Variants in AGBL4 observed in about 807,000 individuals in gnomAD.
AGBL4 encodes the protein AGBL carboxypeptidase 4, also known as cytosolic carboxypeptidase 6.
Under a neutral mutation model 66.4 loss-of-function variants are expected in AGBL4, and 58 were observed. That is an observed-to-expected ratio of 0.87 (90% CI 0.71 to 1.09). The LOEUF is 1.09. AGBL4 is among the 50% of genes least tolerant of loss of function. The pLI is 0.00. For missense variants in AGBL4, 579 were observed against 631.0 expected (o/e 0.92, Z 0.88); for synonymous variants, 234 against 222.9 (o/e 1.05, Z -0.44).
At chr1:49,964,531 T>C (rs1657393594) in intron 1 of AGBL4, among the ~76,000 whole-genome samples, 1 of 152,174 alleles carries the variant, frequency 6.6e-6, no homozygotes, top group Non-Finnish European at 1.5e-5. Flanking sequence ...ATTATAATCA[T>C]TGATGTCAGG....
chr1:49,658,294 A>C (rs1302313207), intron 3 of AGBL4, among the ~76,000 whole-genome samples: 3 of 152,248 alleles, frequency 2.0e-5, no homozygotes, highest in African/African-American at 7.2e-5. Flanking sequence ...AATGCAAATC[A>C]AAACCACAAT....
chr1:49,590,280 T>C (rs1285199737), intron 3 of AGBL4, among the ~76,000 whole-genome samples: 2 of 151,754 alleles, frequency 1.3e-5, no homozygotes, highest in Non-Finnish European at 2.9e-5. Context: ...TAAAATAATG[T>C]TCACAAAAAT....
intron 3 of AGBL4, among the ~76,000 whole-genome samples, chr1:49,535,693 T>G (rs1220317472): frequency 6.6e-6 from 1 of 152,164 alleles, no homozygotes; most frequent in South Asian, 2.1e-4. Flanking sequence ...TCGTTTGGTT[T>G]TTTTTGTTTG....
At chr1:49,552,242 A>G (rs1036595952) in intron 3 of AGBL4, among the ~76,000 whole-genome samples, 4 of 152,000 alleles carry the variant, frequency 2.6e-5, no homozygotes, top group African/African-American at 9.7e-5. Context: ...CTAGCTGAGG[A>G]AAAAAAAGCT....
chr1:49,628,840 T>C (rs1160216012), intron 3 of AGBL4, among the ~76,000 whole-genome samples: 1 of 152,162 alleles, frequency 6.6e-6, no homozygotes. Flanking sequence ...CAAATATAAA[T>C]AGAAAAGAAT....
intron 1 of AGBL4, among the ~76,000 whole-genome samples, chr1:49,936,438 C>T (rs1044165204): frequency 2.6e-5 from 4 of 152,124 alleles, no homozygotes; most frequent in Non-Finnish European, 4.4e-5. Context: ...GGAGAACTTC[C>T]CCAAACTAGC....
chr1:49,193,418 A>T (rs1008275833), intron 4 of AGBL4, among the ~76,000 whole-genome samples: 16 of 151,024 alleles, frequency 1.1e-4, no homozygotes, highest in African/African-American at 2.9e-4. Context: ...TCATTTCAAA[A>T]TTTTTTTTTA....
intron 3 of AGBL4, among the ~76,000 whole-genome samples, chr1:49,317,413 G>T (rs1645059629): frequency 6.6e-6 from 1 of 151,810 alleles, no homozygotes; most frequent in Non-Finnish European, 1.5e-5. Context: ...ATACATGCCT[G>T]CTCCAGAATA....
At chr1:49,150,757 T>C (rs894004416) in intron 4 of AGBL4, among the ~76,000 whole-genome samples, 1 of 152,120 alleles carries the variant, frequency 6.6e-6, no homozygotes, top group Non-Finnish European at 1.5e-5. Context: ...CTCGGATCCC[T>C]CAAAGCTGCA....
intron 2 of AGBL4, among the ~76,000 whole-genome samples, chr1:49,768,105 G>C (rs1166472609): frequency 6.6e-6 from 1 of 152,000 alleles, no homozygotes; most frequent in Non-Finnish European, 1.5e-5. Flanking sequence ...CCAAAGAAGA[G>C]CTGGTACCAA....
At chr1:48,561,486 A>G (rs1644396666) in intron 11 of AGBL4, among the ~76,000 whole-genome samples, 1 of 152,208 alleles carries the variant, frequency 6.6e-6, no homozygotes, top group Non-Finnish European at 1.5e-5. Context: ...CAATTAACCC[A>G]TGTGATGGTT....
intron 3 of AGBL4, among the ~76,000 whole-genome samples, chr1:49,578,279 A>G (rs1331669510): frequency 6.6e-6 from 1 of 152,210 alleles, no homozygotes; most frequent in East Asian, 1.9e-4. Flanking sequence ...CAGGAGATCC[A>G]TTATGGCATC....
At chr1:49,102,078 T>C (rs1008031235) in intron 4 of AGBL4, among the ~76,000 whole-genome samples, 2 of 151,704 alleles carry the variant, frequency 1.3e-5, no homozygotes, top group Non-Finnish European at 2.9e-5. Flanking sequence ...GCACCAGCAG[T>C]AGGTTTTAGC....
At chr1:48,982,261 A>C (rs1437601733) in intron 5 of AGBL4, among the ~76,000 whole-genome samples, 7 of 152,154 alleles carry the variant, frequency 4.6e-5, no homozygotes, top group Admixed American at 2.6e-4. Context: ...TTTGTTACAT[A>C]TATATACATG....
rs937556743 is a variant in AGBL4 at position 48,534,302 on chromosome 1, G to C, written c.1392-9C>G. On this transcript the variant is annotated splice_polypyrimidine_tract_variant and intron_variant, in intron 13 of 13. Coordinates refer to ENST00000371839, the MANE Select transcript of AGBL4 (RefSeq NM_032785.4). ...GAGGGGATTTTTCTTTCCTGCAAAG[G>C]GGGAGATAACAGAAAGAGAGAAGAC... The C allele has an allele frequency of 6.5e-7, 1 of 1,548,320 alleles. No individual in the cohort carries two copies. The highest frequency in any genetic ancestry group is 8.7e-7 in the Non-Finnish European group (1 of 1,145,678).
rs552949243 is a variant in AGBL4 at position 49,688,839 on chromosome 1, C to A, written c.282+8474G>T. ...TCTGATTATCACTGATGTTGAGCACCTTTTCATATGCCTGTTTACCATTTG... is the reference window on the plus strand; with the variant it reads ...TCTGATTATCACTGATGTTGAGCACATTTTCATATGCCTGTTTACCATTTG... On this transcript the variant is annotated intron_variant, in intron 3 of 13. Transcript: ENST00000371839. Among the ~76,000 whole-genome samples the A allele has an allele frequency of 1.7e-3, 259 of 152,208 alleles. 1 individual carries two copies. The highest frequency in any genetic ancestry group is 5.8e-3 in the African/African-American group (241 of 41,546).
chr1:49,521,200 C>A (rs996521856), intron 3 of AGBL4, among the ~76,000 whole-genome samples: 1 of 152,010 alleles, frequency 6.6e-6, no homozygotes, highest in Non-Finnish European at 1.5e-5. Context: ...AAGCAATCTA[C>A]AGATTCAACA....
intron 3 of AGBL4, among the ~76,000 whole-genome samples, chr1:49,656,416 C>G (rs1014143436): frequency 2.4e-4 from 37 of 152,124 alleles, no homozygotes; most frequent in Non-Finnish European, 4.9e-4. Context: ...CAGCCGAATT[C>G]TACCACAGGT....
chr1:48,766,799 G>A lies in AGBL4; in HGVS notation c.634+100392C>T, dbSNP rs528476020. 9.8e-5 allele frequency among the ~76,000 whole-genome samples: 15 copies of A among 152,314 alleles called. No individual in the cohort carries two copies. In the South Asian group the frequency reaches 2.9e-3, roughly 29 times the overall value. On this transcript the variant is annotated intron_variant, in intron 6 of 13. Transcript: ENST00000371839. Reference sequence around the variant, plus strand: ...TCCTGGACCCATGTTCCCAGAGTGAGGGTCGGGAAGTCCCAAGTCCTCTGC... The same window carrying A: ...TCCTGGACCCATGTTCCCAGAGTGAAGGTCGGGAAGTCCCAAGTCCTCTGC...
Sources: allele counts gnomAD v4.1 joint callset (sites outside exome capture counted in the v4.1 genomes callset), GRCh38; gene constraint gnomAD v4.1.1; transcripts MANE v1.5; gene names NCBI Gene and HGNC (gene_info 2026-07-23, HGNC 2026-07-21).